SLC4A9: variants seen among roughly 807,000 people sequenced by gnomAD.
The protein encoded by SLC4A9 is anion exchange protein 4.
In SLC4A9, 102 loss-of-function variants were observed where a neutral mutation model predicts 103.2. The ratio of observed to expected loss-of-function variants is 0.99; its 90% confidence interval spans 0.84 to 1.17. The LOEUF is 1.17. SLC4A9 is among the 50% of genes most tolerant of loss of function. The probability of loss-of-function intolerance (pLI) is 0.00; values close to 1 mark genes in which losing one functional copy is unlikely to be tolerated. For synonymous variants in SLC4A9, 453 were observed against 483.6 expected (o/e 0.94, Z 0.83); for missense variants, 1,091 against 1,193.7 (o/e 0.91, Z 1.27).
intron 10 of SLC4A9, 26 bp downstream of exon 10, chr5:140,364,213 A>G (rs980548446): frequency 1.9e-5 from 29 of 1,564,854 alleles, no homozygotes; most frequent in South Asian, 2.4e-5. Context: ...CCATCACCGG[A>G]CCCTCACTAG....
At chr5:140,366,046 G>A (rs764463498) in intron 13 of SLC4A9, 24 bp downstream of exon 13, 1 of 1,613,240 alleles carries the variant, frequency 6.2e-7, no homozygotes, top group Non-Finnish European at 8.5e-7. Context: ...TTCTTTCTGT[G>A]GGAGAGGCCT....
At chr5:140,367,997 G>A (rs1768154837) in intron 16 of SLC4A9, 99 bp downstream of exon 16, 17 of 1,286,802 alleles carry the variant, frequency 1.3e-5, no homozygotes, top group Non-Finnish European at 1.7e-5. Context: ...TTCTAAGCTG[G>A]TGTCCCACAA....
intron 11 of SLC4A9, 41 bp downstream of exon 11, chr5:140,364,666 AT>A: frequency 6.3e-7 from 1 of 1,579,082 alleles, no homozygotes; most frequent in South Asian, 1.2e-5. Flanking sequence ...GTGAAGAAGG[AT>A]GTAGGGAAGG....
rs779499874 is a variant in SLC4A9, at chr5:140,372,384, G to A, written c.2813G>A (p.Ser938Asn). 8.1e-6 allele frequency: 13 copies of A among 1,609,934 alleles called. No homozygotes were observed. The highest frequency in any genetic ancestry group is 1.1e-5 in the Non-Finnish European group (13 of 1,178,994). Reference protein sequence around the residue: ...GLEPEHSFSGSDSEDSELMYQ... With the variant: ...GLEPEHSFSGNDSEDSELMYQ... Reference sequence around the variant, plus strand: ...GAGCCAGAACACTCATTCAGTGGAAGTGACAGTGAAGATGTGAGCTCCAGG... The same window carrying A: ...GAGCCAGAACACTCATTCAGTGGAAATGACAGTGAAGATGTGAGCTCCAGG... Residue 938 changes from serine to asparagine, a missense_variant, in exon 20 of 22, where the codon AGT (serine) becomes AAT (asparagine). Ser to Asn is a conservative substitution (Grantham distance 46). Transcript: ENST00000506757.
At chr5:140,369,893 T>C (rs1174102345) in intron 17 of SLC4A9, among the ~76,000 whole-genome samples, 1 of 151,818 alleles carries the variant, frequency 6.6e-6, no homozygotes, top group African/African-American at 2.4e-5. Context: ...TCTCAGCTAC[T>C]TGGGAGGCTA....
intron 11 of SLC4A9, 37 bp from the exon 12 acceptor site, chr5:140,365,483 G>A (rs1294687698): frequency 6.4e-7 from 1 of 1,570,746 alleles, no homozygotes; most frequent in Non-Finnish European, 8.7e-7. Context: ...GTTCCCAGGG[G>A]AGGGAACATA....
intron 19 of SLC4A9, 122 bp from the exon 20 acceptor site, chr5:140,372,120 C>T (rs1768809864): frequency 2.2e-6 from 2 of 895,090 alleles, no homozygotes; most frequent in Non-Finnish European, 3.3e-6. Context: ...TAGGAATGTG[C>T]TAGCATTCAG....
chr5:140,363,360 G>A lies in SLC4A9; in HGVS notation c.963-79G>A. ...CAGAGACAAGAGCAGCCGCTAGGGG[G>A]CAGGGCGCCACGAGCTCTGGACCGA... On this transcript the variant is annotated intron_variant, in intron 7 of 21. Coordinates refer to ENST00000506757, the MANE Select transcript of SLC4A9 (RefSeq NM_031467.3). The surrounding 1 kb of genome is among the most constrained non-coding windows in gnomAD (Gnocchi z 4.5). 2 of 1,316,972 alleles carry A rather than the reference G, an allele frequency of 1.5e-6. No individual in the cohort carries two copies. The highest frequency in any genetic ancestry group is 1.3e-5 in the South Asian group (1 of 75,606). The allele number at this position is 1,316,972 out of a possible 1,614,324, so 81.6% of individuals were successfully genotyped here.
rs1446173667 is a variant in SLC4A9, at chr5:140,364,372, C to T, written c.1398C>T (p.Ser466=). Residue 466 remains serine, a synonymous_variant, in exon 11 of 22, where the codon AGC becomes AGT. Transcript: ENST00000506757. ...RLLFSFSRDY[S]LDYLPFRLWV... ...TCTCTCATCCCCACAGAGATTACAGCCTGGACTACCTGCCCTTCCGCCTAT... is the reference window on the plus strand; with the variant it reads ...TCTCTCATCCCCACAGAGATTACAGTCTGGACTACCTGCCCTTCCGCCTAT... 2.5e-6 allele frequency: 4 copies of T among 1,612,756 alleles called. No homozygotes were observed. The highest frequency in any genetic ancestry group is 2.0e-4 in the Middle Eastern group (1 of 5,036).
At chr5:140,364,024 G>T in intron 9 of SLC4A9, 30 bp from the exon 10 acceptor site, 1 of 1,527,354 alleles carries the variant, frequency 6.5e-7, no homozygotes, top group Non-Finnish European at 8.8e-7. Context: ...GGACTTCAGG[G>T]TCCTGTGCTG....
In SLC4A9 at chr5:140,363,509, C is replaced by G. The variant is rs1220283002; in HGVS notation, c.1033C>G (p.Arg345Gly). The change falls in exon 8 of 22, where the codon CGC (arginine) becomes GGC (glycine). Residue 345 changes from arginine (R) to glycine (G), a missense_variant. Coordinates refer to ENST00000506757, the MANE Select transcript of SLC4A9 (RefSeq NM_031467.3). The surrounding 1 kb of genome is among the most constrained non-coding windows in gnomAD (Gnocchi z 4.5). ...PRLTSAEDRH[R>G]HGPHAHSPEL... ...CCTGACCTCGGCTGAGGACAGGCACCGCCATGGGCCACACGCACACAGCCC... is the reference window on the plus strand; with the variant it reads ...CCTGACCTCGGCTGAGGACAGGCACGGCCATGGGCCACACGCACACAGCCC... 1.3e-6 allele frequency: 2 copies of G among 1,552,036 alleles called. No individual in the cohort carries two copies. Among genetic ancestry groups the G allele is most frequent in the Admixed American group, 2.0e-5 (1 of 51,060 alleles).
Position 140,360,854 on chromosome 5 carries a change from G to A in SLC4A9, c.273G>A (p.Arg91=), listed in dbSNP as rs776468834. 9.9e-6 allele frequency: 16 copies of A among 1,613,078 alleles called. No homozygotes were observed. In the East Asian group the frequency reaches 3.6e-4, roughly 36 times the overall value. ...AGAAGTTGGAGGTGGCTGCAGGCCG[G>A]TGGAGTGCCCCCCACGTGCCCACCC... ...FEEKLEVAAG[R]WSAPHVPTLA... Residue 91 remains arginine (R), a synonymous_variant, in exon 2 of 22, where the codon CGG becomes CGA. Coordinates refer to ENST00000506757, the MANE Select transcript of SLC4A9 (RefSeq NM_031467.3).
rs902464513 is a variant in SLC4A9, at chr5:140,367,275, T to C, written c.2014-145T>C. ...CTGTCTTTTAAGGCACTGGGATGCTTTGAACCAGCTATGCACACACAGCCC... is the reference window on the plus strand; with the variant it reads ...CTGTCTTTTAAGGCACTGGGATGCTCTGAACCAGCTATGCACACACAGCCC... On this transcript the variant is annotated intron_variant, in intron 14 of 21. Coordinates refer to ENST00000506757, the MANE Select transcript of SLC4A9 (RefSeq NM_031467.3). 5.6e-5 allele frequency: 55 copies of C among 987,896 alleles called. No homozygotes were observed. The African/African-American group carries it at 8.8e-4, about 16-fold the overall frequency. 61.2% of individuals were successfully genotyped at this position (987,896 alleles called of 1,614,324 possible).
At chr5:140,366,525 G>C (rs944955080) in intron 14 of SLC4A9, among the ~76,000 whole-genome samples, 10 of 152,100 alleles carry the variant, frequency 6.6e-5, no homozygotes, top group Non-Finnish European at 1.2e-4. Flanking sequence ...GCCAGCCCTG[G>C]GTTTGAGTTC....
intron 3 of SLC4A9, 115 bp from the exon 4 acceptor site, chr5:140,361,693 G>A: frequency 8.7e-7 from 1 of 1,148,250 alleles, no homozygotes; most frequent in Non-Finnish European, 1.3e-6. Flanking sequence ...GCTCAGAGTG[G>A]AGAAGGGTAT....
intron 2 of SLC4A9, 107 bp from the exon 3 acceptor site, chr5:140,361,147 G>A: frequency 8.2e-7 from 1 of 1,214,286 alleles, no homozygotes; most frequent in Non-Finnish European, 1.2e-6. Context: ...ATTGGCCCTG[G>A]CATTCTGAGA....
Position 140,363,259 on chromosome 5 carries a change from C to T in SLC4A9, c.963-180C>T, listed in dbSNP as rs1178844298. ...GACCTGAACAAAGACCTTCCCTGCC[C>T]GAGCCTGGCTTTCACAGGTCGCAAT... On this transcript the variant is annotated intron_variant, in intron 7 of 21. Coordinates refer to ENST00000506757, the MANE Select transcript of SLC4A9 (RefSeq NM_031467.3). The surrounding 1 kb of genome is among the most constrained non-coding windows in gnomAD (Gnocchi z 4.5). 6.6e-6 allele frequency among the ~76,000 whole-genome samples: 1 copy of T among 152,180 alleles called. No homozygotes were observed. Among genetic ancestry groups the T allele is most frequent in the Non-Finnish European group, 1.5e-5 (1 of 68,032 alleles).
At chr5:140,373,593 T>C (rs1174421230) in intron 21 of SLC4A9, among the ~76,000 whole-genome samples, 1 of 152,138 alleles carries the variant, frequency 6.6e-6, no homozygotes, top group Non-Finnish European at 1.5e-5. Flanking sequence ...AAATGGTCCA[T>C]AATTTGAAAT....
rs1334790527 is a variant in SLC4A9, at chr5:140,360,684, G to A, written c.231-128G>A. 5.5e-6 allele frequency: 8 copies of A among 1,449,728 alleles called. No homozygotes were observed. The African/African-American group carries it at 9.8e-5, about 18-fold the overall frequency. The allele number at this position is 1,449,728 out of a possible 1,614,324, so 89.8% of individuals were successfully genotyped here. A position where few individuals can be genotyped will look rare whatever the true frequency, so the allele number is the denominator to read the frequency against. On this transcript the variant is annotated intron_variant, in intron 1 of 21. Transcript: ENST00000506757. ...AGATGAGGGGTGACTGCCAGGGTGG[G>A]GGGGAGACTTCACACCACTGGGCCC...
Sources: gnomAD v4.1 joint callset for allele counts (sites outside exome capture counted in the v4.1 genomes callset) on GRCh38, gnomAD v4.1.1 for gene constraint, Gnocchi (gnomAD v3.1) non-coding constraint, MANE v1.5 for transcripts, NCBI Gene and HGNC (gene_info 2026-07-23, HGNC 2026-07-21) for gene names.